SCNN1A: variants seen among roughly 807,000 people sequenced by gnomAD.
SCNN1A encodes the protein epithelial sodium channel subunit alpha.
A neutral mutation model predicts 68.6 loss-of-function variants in SCNN1A; 65 were observed. That is an observed-to-expected ratio of 0.95 (90% CI 0.78 to 1.16). The LOEUF (loss-of-function observed/expected upper bound fraction) is 1.16. Ranked by LOEUF, SCNN1A falls within the 50% of genes most tolerant of loss-of-function variation. The probability of loss-of-function intolerance (pLI) is 0.00; values close to 1 mark genes in which losing one functional copy is unlikely to be tolerated. For synonymous variants in SCNN1A, 357 were observed against 353.3 expected, an observed-to-expected ratio of 1.01 and a Z score of -0.12; for missense variants, 880 against 865.9, an observed-to-expected ratio of 1.02 and a Z score of -0.20.
intron 4 of SCNN1A, among the ~76,000 whole-genome samples, chr12:6,357,415 A>T (rs1333501752): frequency 6.6e-6 from 1 of 152,002 alleles, no homozygotes; most frequent in East Asian, 1.9e-4. Flanking sequence ...CTCTACCAAA[A>T]ATACAAAAAT....
At chr12:6,349,609 G>A (rs1176477470) in intron 8 of SCNN1A, among the ~76,000 whole-genome samples, 2 of 152,252 alleles carry the variant, frequency 1.3e-5, no homozygotes, top group East Asian at 1.9e-4. Flanking sequence ...TTGGGAGGCC[G>A]AGGTGGGAGG....
intron 8 of SCNN1A, 155 bp downstream of exon 8, chr12:6,354,283 G>A: frequency 1.5e-6 from 1 of 685,612 alleles, no homozygotes; most frequent in Non-Finnish European, 2.7e-6. Flanking sequence ...ACTGACAGAG[G>A]CAGAGACTAA....
At position 6,355,776 on chromosome 12, in the gene SCNN1A, C is replaced by T; in HGVS notation, c.979+1G>A. On this transcript the variant is annotated splice_donor_variant, in intron 5 of 12. Transcript: ENST00000228916. LOFTEE classifies it high-confidence loss of function. ...CATGGAGCAAGCAGGGAGCTTCTCA[C>T]CGTTGTTGATTCCAGGCATGGAAGA... is the stretch of plus-strand genomic sequence containing the variant. 6.2e-7 allele frequency: 1 copy of T among 1,600,984 alleles called. No individual in the cohort carries two copies.
At chr12:6,356,646 C>T (rs1016800923) in intron 4 of SCNN1A, among the ~76,000 whole-genome samples, 2 of 152,190 alleles carry the variant, frequency 1.3e-5, no homozygotes, top group Non-Finnish European at 2.9e-5. Flanking sequence ...AAAGCAATCA[C>T]AGAGGCAACA....
intron 8 of SCNN1A, 117 bp from the exon 9 acceptor site, chr12:6,349,522 A>G: frequency 1.3e-6 from 1 of 751,452 alleles, no homozygotes. Context: ...ATTTAGCATT[A>G]TAATGATGCC....
upstream of SCNN1A, chr12:6,375,716 G>A: frequency 1.4e-6 from 2 of 1,430,506 alleles, no homozygotes; most frequent in Non-Finnish European, 1.8e-6. Flanking sequence ...CTCTGGGCAG[G>A]GGCTTTAGAC....
chr12:6,348,950 C>G lies in SCNN1A; in HGVS notation c.1553G>C (p.Arg518Thr). 6 of 1,614,062 alleles carry G rather than the reference C, an allele frequency of 3.7e-6. No homozygotes were observed. Among genetic ancestry groups the G allele is most frequent in the Non-Finnish European group, 5.1e-6 (6 of 1,180,006 alleles). Residue 518 changes from arginine to threonine, a missense_variant and splice_region_variant, in exon 11 of 13, where the codon AGA becomes ACA. By Grantham distance (71) the Arg-to-Thr change is moderately conservative. Transcript: ENST00000228916. ...RQNNYTVNNK[R>T]NGVAKVNIFF... Reference sequence around the variant, plus strand: ...TGGCTGGGACCAGGGCAGGACTGACCTCTTGTTGTTGACGGTGTAATTGTT... The same window carrying G: ...TGGCTGGGACCAGGGCAGGACTGACGTCTTGTTGTTGACGGTGTAATTGTT...
chr12:6,365,312 C>T (rs1023288756), intron 2 of SCNN1A, among the ~76,000 whole-genome samples: 5 of 152,192 alleles, frequency 3.3e-5, no homozygotes, highest in Non-Finnish European at 5.9e-5. Flanking sequence ...CCACTCACTG[C>T]ACCCGGCCCC....
rs1452705978 is a variant in SCNN1A at position 6,348,936 on chromosome 12, A to G, written c.1553+14T>C. 2.5e-6 allele frequency: 4 copies of G among 1,613,898 alleles called. No individual in the cohort carries two copies. The highest frequency in any genetic ancestry group is 2.2e-5 in the South Asian group (2 of 91,070). ...AGATTCCCTTCTTGTGGCTGGGACC[A>G]GGGCAGGACTGACCTCTTGTTGTTG... is the stretch of plus-strand genomic sequence containing the variant. On this transcript the variant is annotated intron_variant, in intron 11 of 12. Transcript: ENST00000228916.
At position 6,362,062 on chromosome 12, in the gene SCNN1A, G is replaced by A. The variant is rs911924940; in HGVS notation, c.864C>T (p.Ser288=). The change falls in exon 4 of 13, where the codon TCC becomes TCT. Residue 288 remains serine (S), a synonymous_variant. Transcript: ENST00000228916. The part of the protein sequence containing the change: ...FIFACRFNQV[S]CNQANYSHFH... ...CAGGACTGACTCACGCCTGGTTGCA[G>A]GAGACCTGGTTGAAGCGGCAGGCGA... 2 of 1,614,144 alleles carry A rather than the reference G, an allele frequency of 1.2e-6. No individual in the cohort carries two copies. Among genetic ancestry groups the A allele is most frequent in the African/African-American group, 1.3e-5 (1 of 74,964 alleles).
chr12:6,349,340 G>A lies in SCNN1A; in HGVS notation c.1426C>T (p.Arg476Trp), dbSNP rs113622727. 3.1e-4 allele frequency: 506 copies of A among 1,612,836 alleles called. 2 individuals are homozygous for A. The highest frequency in any genetic ancestry group is 3.9e-4 in the Non-Finnish European group (456 of 1,179,388). The change falls in exon 9 of 13, where the codon CGG becomes TGG. Residue 476 changes from arginine (R) to tryptophan (W), a missense_variant. This residue lies in a region of SCNN1A where 758 missense variants were observed against 721.8 expected (regional missense o/e 1.05). Transcript: ENST00000228916. ...SDHLGCFTKCRKPCSVTSYQL... is the reference protein window; with the variant it reads ...SDHLGCFTKCWKPCSVTSYQL... ...GGGGACACTAACCTGCATGGCTTCC[G>A]GCACTTGGTGAAACAGCCCAGGTGG...
At chr12:6,364,025 T>G in intron 2 of SCNN1A, 1 of 246,630 alleles carries the variant, frequency 4.1e-6, no homozygotes, top group Non-Finnish European at 7.7e-6. Context: ...ACCCGGAACT[T>G]GTCTGCCCTT....
At chr12:6,360,129 A>T (rs551144142) in intron 4 of SCNN1A, among the ~76,000 whole-genome samples, 1 of 152,348 alleles carries the variant, frequency 6.6e-6, no homozygotes, top group South Asian at 2.1e-4. Flanking sequence ...TGGAATAGTT[A>T]CATGTGGTGA....
Position 6,362,440 on chromosome 12 carries a change from G to A in SCNN1A, c.685-199C>T, listed in dbSNP as rs1948595709. Among the ~76,000 whole-genome samples, 3 of 152,172 alleles carry A rather than the reference G, an allele frequency of 2.0e-5. No homozygotes were observed. The South Asian group carries it at 6.2e-4, about 31-fold the overall frequency. ...ACCAGGGGAGCATGGGATTAAGGGA[G>A]TTGCAGGCCAGGAAAGGAGACCAGT... On this transcript the variant is annotated intron_variant, in intron 3 of 12. Coordinates refer to ENST00000228916, the MANE Select transcript of SCNN1A (RefSeq NM_001038.6).
chr12:6,363,611 G>T lies in SCNN1A; in HGVS notation c.516C>A (p.Ala172=). The T allele has an allele frequency of 6.2e-7, 1 of 1,612,848 alleles. No homozygotes were observed. Reference sequence around the variant, plus strand: ...GCAGGTCGCGACGGCTGCGGGAGCCGGCCACGAGAGTGGTGAAGGAGCTGT... The same window carrying T: ...GCAGGTCGCGACGGCTGCGGGAGCCTGCCACGAGAGTGGTGAAGGAGCTGT... The part of the protein sequence containing the change: ...YKYSSFTTLV[A]GSRSRRDLRG... The change falls in exon 3 of 13, where the codon GCC becomes GCA. Residue 172 remains alanine (A), a synonymous_variant. Transcript: ENST00000228916.
Position 6,362,221 on chromosome 12 carries a change from G to A in SCNN1A, c.705C>T (p.Asp235=). The change falls in exon 4 of 13, where the codon GAC becomes GAT. Residue 235 remains aspartate, a synonymous_variant. Transcript: ENST00000228916. ...CTGATGAGTATGTCTGGTAGAAGCA[G>A]TCCGATTTGTTCTGGTTGCACTGGA... ...GFQLCNQNKS[D]CFYQTYSSGV... is the part of the protein sequence containing the mutation. The A allele has an allele frequency of 6.2e-7, 1 of 1,614,190 alleles. No individual in the cohort carries two copies. The highest frequency in any genetic ancestry group is 8.5e-7 in the Non-Finnish European group (1 of 1,180,002).
upstream of SCNN1A, among the ~76,000 whole-genome samples, chr12:6,376,579 G>A (rs1334487652): frequency 1.3e-5 from 2 of 152,240 alleles, no homozygotes; most frequent in Non-Finnish European, 2.9e-5. Context: ...GGAGAAATTC[G>A]TTGATGGGCT....
intron 4 of SCNN1A, among the ~76,000 whole-genome samples, chr12:6,359,610 C>G (rs1257315984): frequency 6.6e-6 from 1 of 152,102 alleles, no homozygotes; most frequent in Admixed American, 6.6e-5. Flanking sequence ...GTCTCTCTCT[C>G]TCTTGCCCCC....
In SCNN1A at chr12:6,374,576, C is replaced by T; in HGVS notation, c.208G>A (p.Gly70Ser). 2.5e-6 allele frequency: 4 copies of T among 1,614,040 alleles called. No homozygotes were observed. Among genetic ancestry groups the T allele is most frequent in the Non-Finnish European group, 3.4e-6 (4 of 1,180,020 alleles). The stretch of plus-strand genomic sequence containing the variant: ...TGGGAGCACACCAGGCGGATGGCGC[C>T]GTGGATGGTGGTGTTGTTGCAGAAG... ...EFFCNNTTIH[G>S]AIRLVCSQHN... Residue 70 changes from glycine to serine, a missense_variant, in exon 2 of 13, where the codon GGC (glycine) becomes AGC (serine). By Grantham distance (56) the Gly-to-Ser change is moderately conservative. Coordinates refer to ENST00000228916, the MANE Select transcript of SCNN1A (RefSeq NM_001038.6). This position sits in a 1 kb window ranked among gnomAD's most constrained non-coding sequence, Gnocchi z 6.2.
Sources: gnomAD v4.1 joint callset for allele counts (sites outside exome capture counted in the v4.1 genomes callset) on GRCh38, gnomAD v4.1.1 for gene constraint, gnomAD v4.1.1 regional missense constraint, Gnocchi (gnomAD v3.1) non-coding constraint, MANE v1.5 for transcripts, NCBI Gene and HGNC (gene_info 2026-07-23, HGNC 2026-07-21) for gene names.